Variants in WRN observed in about 807,000 individuals in gnomAD.
WRN encodes WRN RecQ like helicase.
A neutral mutation model predicts 180.7 loss-of-function variants in WRN; 149 were observed. That is an observed-to-expected ratio of 0.82 (90% CI 0.72 to 0.94). WRN has a LOEUF of 0.94. WRN is among the 40% of genes least tolerant of loss of function. WRN has a pLI of 0.00. For missense variants in WRN, 1,661 were observed against 1,700.1 expected, an observed-to-expected ratio of 0.98 and a Z score of 0.40; for synonymous variants, 548 against 568.9, an observed-to-expected ratio of 0.96 and a Z score of 0.52.
At chr8:31,040,463 A>G (rs1253212470) in intron 1 of WRN, among the ~76,000 whole-genome samples, 1 of 152,200 alleles carries the variant, frequency 6.6e-6, no homozygotes, top group African/African-American at 2.4e-5. Context: ...GGGAGGTAAG[A>G]AGGAGCAGCA....
chr8:31,111,763 T>A lies in WRN; in HGVS notation c.2237T>A (p.Ile746Asn). The A allele has an allele frequency of 6.2e-7, 1 of 1,614,062 alleles. No homozygotes were observed. The highest frequency in any genetic ancestry group is 8.5e-7 in the Non-Finnish European group (1 of 1,179,980). The change falls in exon 19 of 35, where the codon ATC becomes AAC. Residue 746 changes from isoleucine (I) to asparagine (N), a missense_variant. Transcript: ENST00000298139. ...YLEVRRKTGN[I>N]LQDLQPFLVK... ...GAAGTTAGGCGAAAAACAGGGAATA[T>A]CCTTCAGGATCTGCAGCCATTTCTT... is the stretch of plus-strand genomic sequence containing the variant.
Position 31,087,722 on chromosome 8 carries a change from A to T in WRN, c.1432-54A>T. The T allele has an allele frequency of 1.9e-6, 3 of 1,576,110 alleles. No homozygotes were observed. In the Admixed American group the frequency reaches 5.0e-5, roughly 26 times the overall value. On this transcript the variant is annotated intron_variant, in intron 11 of 34. Coordinates refer to ENST00000298139, the MANE Select transcript of WRN (RefSeq NM_000553.6). ...TAATAGTCCTTTTGTGTTTGGTGAA[A>T]AAGATACGACACTGTCAGTGGTTTT...
At chr8:31,120,884 T>A (rs1289904401) in intron 21 of WRN, among the ~76,000 whole-genome samples, 1 of 152,018 alleles carries the variant, frequency 6.6e-6, no homozygotes, top group African/African-American at 2.4e-5. Context: ...TCAGTCCCTA[T>A]TTGACTCTTG....
intron 7 of WRN, among the ~76,000 whole-genome samples, chr8:31,074,168 A>C (rs1293918781): frequency 8.0e-5 from 12 of 149,354 alleles, no homozygotes; most frequent in African/African-American, 2.5e-4. Context: ...CTCGTGATCC[A>C]CCCGCCTCGG....
chr8:31,049,875 G>A (rs1001202254), intron 1 of WRN, among the ~76,000 whole-genome samples: 10 of 151,868 alleles, frequency 6.6e-5, no homozygotes, highest in Non-Finnish European at 1.3e-4. Flanking sequence ...GACATCATGT[G>A]TATTGCTGTT....
chr8:31,039,087 A>T (rs569899315), intron 1 of WRN, among the ~76,000 whole-genome samples: 1 of 152,238 alleles, frequency 6.6e-6, no homozygotes, highest in Admixed American at 6.5e-5. Context: ...GAGTTTGAGG[A>T]TCACCTTTTC....
chr8:31,125,723 G>C (rs911634986), intron 23 of WRN, among the ~76,000 whole-genome samples: 1 of 150,080 alleles, frequency 6.7e-6, no homozygotes, highest in East Asian at 2.0e-4. Context: ...TTGCAGTCTT[G>C]AGGCAGAATT....
In WRN at chr8:31,142,645, G is replaced by A. The variant is rs1158431660; in HGVS notation, c.3253G>A (p.Gly1085Ser). 3.1e-6 allele frequency: 5 copies of A among 1,598,724 alleles called. No individual in the cohort carries two copies. Among genetic ancestry groups the A allele is most frequent in the Non-Finnish European group, 3.4e-6 (4 of 1,173,232 alleles). ...LLPSSKTVSS[G>S]TKEHCYNQVP... ...TTTTAGTTCGAAAACTGTATCTTCG[G>A]GCACCAAAGAGCATTGTTATAATCA... Residue 1085 changes from glycine to serine, a missense_variant, in exon 27 of 35, where the codon GGC (glycine) becomes AGC (serine). Gly to Ser is a moderately conservative substitution (Grantham distance 56, BLOSUM62 0). Around this residue, in one of 3 missense-constraint regions of WRN, gnomAD observed 1,141 missense variants for 1,149.4 expected, o/e 0.99. Transcript: ENST00000298139.
intron 28 of WRN, among the ~76,000 whole-genome samples, chr8:31,144,285 T>C (rs1267148617): frequency 6.6e-6 from 1 of 151,802 alleles, no homozygotes; most frequent in Non-Finnish European, 1.5e-5. Flanking sequence ...TTCCCTGAGA[T>C]ACAACAAAAT....
chr8:31,086,564 T>G (rs868498634), intron 11 of WRN, among the ~76,000 whole-genome samples: 1 of 151,596 alleles, frequency 6.6e-6, no homozygotes, highest in Non-Finnish European at 1.5e-5. Context: ...GGTGACAGAG[T>G]GAGACCCTGT....
chr8:31,160,219 T>G (rs1006566151), intron 33 of WRN, among the ~76,000 whole-genome samples: 6 of 152,176 alleles, frequency 3.9e-5, no homozygotes, highest in African/African-American at 1.4e-4. Context: ...GATCTGTATG[T>G]AAGGAATGGA....
intron 1 of WRN, among the ~76,000 whole-genome samples, chr8:31,056,978 A>C (rs1812299167): frequency 2.0e-5 from 3 of 151,726 alleles, no homozygotes; most frequent in Admixed American, 1.3e-4. Context: ...TCTCTCCCCC[A>C]GTGGTGAAAG....
chr8:31,059,156 TGTGTTCGGAAGA>T lies in WRN; in HGVS notation c.106_117del (p.Arg36_Val39del), dbSNP rs1343635332. ...TTTGAAATTTACTAAACTCAAGGCA[TGTGTTCGGAAGA>T]GTGTTTTTGAAGATGACCTCCCCTT... On this transcript the variant is annotated inframe_deletion, in exon 3 of 35. Transcript: ENST00000298139. The T allele has an allele frequency of 6.2e-7, 1 of 1,612,820 alleles. No homozygotes were observed. The highest frequency in any genetic ancestry group is 8.5e-7 in the Non-Finnish European group (1 of 1,178,898).
chr8:31,043,650 T>C lies in WRN; in HGVS notation c.-77+9677T>C, dbSNP rs368699312. ...CTCAGGACTCCAATTTGAAAAAATATAGACTGTTATTTACTTTATTACTTA... is the reference window on the plus strand; with the variant it reads ...CTCAGGACTCCAATTTGAAAAAATACAGACTGTTATTTACTTTATTACTTA... On this transcript the variant is annotated intron_variant, in intron 1 of 34. Transcript: ENST00000298139. 3.3e-5 allele frequency among the ~76,000 whole-genome samples: 5 copies of C among 152,278 alleles called. No homozygotes were observed. The East Asian group carries it at 5.8e-4, about 18-fold the overall frequency.
chr8:31,075,960 A>T (rs775947897), intron 7 of WRN, among the ~76,000 whole-genome samples: 6 of 152,186 alleles, frequency 3.9e-5, no homozygotes, highest in Non-Finnish European at 8.8e-5. Context: ...ACTGCAGATC[A>T]TTTGGAATTT....
rs1484410743 is a variant in WRN, at chr8:31,127,420, AAAAAT to A, written c.2825+2430_2825+2434del. ...CAACCAATTTGCCTATGTTAATTGA[AAAAAT>A]AAAATAAAAACAAATTATTTACCTG... On this transcript the variant is annotated intron_variant, in intron 23 of 34. Transcript: ENST00000298139. Among the ~76,000 whole-genome samples, 14 of 152,166 alleles carry A rather than the reference AAAAAT, an allele frequency of 9.2e-5. 1 individual carries two copies. Among genetic ancestry groups the A allele is most frequent in the African/African-American group, 2.7e-4 (11 of 41,434 alleles).
chr8:31,045,745 T>C (rs779107085), intron 1 of WRN, among the ~76,000 whole-genome samples: 5 of 152,174 alleles, frequency 3.3e-5, no homozygotes, highest in Admixed American at 6.5e-5. Flanking sequence ...TCATATTTAG[T>C]AGGGTGAGTT....
chr8:31,048,443 C>T (rs1811952998), intron 1 of WRN, among the ~76,000 whole-genome samples: 1 of 151,992 alleles, frequency 6.6e-6, no homozygotes, highest in African/African-American at 2.4e-5. Flanking sequence ...CAGGAGAATA[C>T]CTTATAAATG....
At chr8:31,148,173 A>G (rs1802942448) in intron 30 of WRN, among the ~76,000 whole-genome samples, 1 of 152,096 alleles carries the variant, frequency 6.6e-6, no homozygotes, top group Non-Finnish European at 1.5e-5. Flanking sequence ...GGTGTGAGCC[A>G]CTGTGCCTGG....
Sources: allele counts gnomAD v4.1 joint callset (sites outside exome capture counted in the v4.1 genomes callset), GRCh38; gene constraint gnomAD v4.1.1; regional missense constraint gnomAD v4.1.1; transcripts MANE v1.5; gene names NCBI Gene and HGNC (gene_info 2026-07-23, HGNC 2026-07-21).